Variants in SNX13 observed in about 807,000 individuals in gnomAD.
The protein encoded by SNX13 is sorting nexin 13.
In SNX13, 45 loss-of-function variants were observed where a neutral mutation model predicts 133.6. The ratio of observed to expected loss-of-function variants is 0.34; its 90% CI spans 0.27 to 0.43. The LOEUF (loss-of-function observed/expected upper bound fraction) is 0.43, where lower values mean the gene tolerates loss of function less well. Among genes scored for constraint, SNX13 ranks in the 20% least tolerant of loss-of-function variants. The pLI, the probability that SNX13 is intolerant of heterozygous loss-of-function variation, is 1.00. For synonymous variants in SNX13, 414 were observed against 373.9 expected, an observed-to-expected ratio of 1.11 and a Z score of -1.24; for missense variants, 1,032 against 1,145.1, an observed-to-expected ratio of 0.90 and a Z score of 1.43.
intron 1 of SNX13, chr7:17,899,258 T>C (rs140799124): frequency 2.6e-5 from 4 of 152,296 alleles, no homozygotes; most frequent in African/African-American, 9.6e-5. Flanking sequence ...TCCTTGACCT[T>C]TGAGAGTTTG....
chr7:17,800,034 ATACAGCT>A (rs1244704563), intron 22 of SNX13, among the ~76,000 whole-genome samples: 1 of 151,766 alleles, frequency 6.6e-6, no homozygotes, highest in Non-Finnish European at 1.5e-5. Context: ...AACTGAAATC[ATACAGCT>A]TAATCAAAAC....
At chr7:17,846,477 A>G (rs1372976117) in intron 11 of SNX13, among the ~76,000 whole-genome samples, 2 of 152,296 alleles carry the variant, frequency 1.3e-5, no homozygotes, top group African/African-American at 4.8e-5. Flanking sequence ...GCCCTTTCCA[A>G]TAAGAGCCAT....
intron 13 of SNX13, among the ~76,000 whole-genome samples, chr7:17,836,040 T>C (rs1361008729): frequency 6.6e-6 from 1 of 151,948 alleles, no homozygotes; most frequent in Non-Finnish European, 1.5e-5. Context: ...TTCTAGGAAA[T>C]AAAAAGGGTG....
chr7:17,814,818 T>TG lies in SNX13; in HGVS notation c.2064+15dup, dbSNP rs1562686258. The TG allele has an allele frequency of 6.7e-7, 1 of 1,494,168 alleles. No homozygotes were observed. The highest frequency in any genetic ancestry group is 2.6e-5 in the East Asian group (1 of 38,080). 92.6% of individuals were successfully genotyped at this position (1,494,168 alleles called of 1,614,324 possible). On this transcript the variant is annotated intron_variant, in intron 20 of 25. Coordinates refer to ENST00000428135, the MANE Select transcript of SNX13 (RefSeq NM_015132.5). ...AGACCTAGAAAGAAACCCAGTGCAG[T>TG]GGTCTGCTTACTTACCTTGCGAGCA...
chr7:17,793,993 TC>T lies in SNX13; in HGVS notation c.*51del, dbSNP rs777476682. 6 of 1,589,032 alleles carry T rather than the reference TC, an allele frequency of 3.8e-6. No individual in the cohort carries two copies. The highest frequency in any genetic ancestry group is 5.1e-6 in the Non-Finnish European group (6 of 1,166,740). On this transcript the variant is annotated 3_prime_UTR_variant, in exon 26 of 26. Transcript: ENST00000428135. ...TTTGAGTTAAGCCCCAGAAGATCTG[TC>T]CATACCATTAGTCCTGGACAAAATG... is the stretch of plus-strand genomic sequence containing the variant.
At chr7:17,929,521 A>G (rs1213487435) in intron 1 of SNX13, among the ~76,000 whole-genome samples, 1 of 152,032 alleles carries the variant, frequency 6.6e-6, no homozygotes, top group African/African-American at 2.4e-5. Context: ...TCAACTACAT[A>G]TTTTTAAAAA....
At chr7:17,799,867 T>A (rs1260151604) in intron 22 of SNX13, among the ~76,000 whole-genome samples, 1 of 151,812 alleles carries the variant, frequency 6.6e-6, no homozygotes, top group Non-Finnish European at 1.5e-5. Flanking sequence ...GTACCACATA[T>A]AATTGTTAGT....
chr7:17,807,061 G>T (rs1421378018), intron 20 of SNX13, among the ~76,000 whole-genome samples: 1 of 152,104 alleles, frequency 6.6e-6, no homozygotes, highest in Non-Finnish European at 1.5e-5. Flanking sequence ...AGCTGCAGGA[G>T]TTTTTTTCAT....
intron 23 of SNX13, 105 bp from the exon 24 acceptor site, chr7:17,798,863 C>T: frequency 8.2e-7 from 1 of 1,217,652 alleles, no homozygotes; most frequent in African/African-American, 1.6e-5. Context: ...GTAAATTATC[C>T]CTGAGAGCAA....
chr7:17,832,383 G>A (rs572483673), intron 15 of SNX13: 2 of 984,456 alleles, frequency 2.0e-6, no homozygotes, highest in East Asian at 2.3e-4. Context: ...AGAATATATT[G>A]CTACTATCAC....
intron 5 of SNX13, chr7:17,880,319 A>T (rs1435694927): frequency 6.6e-6 from 1 of 152,236 alleles, no homozygotes; most frequent in Non-Finnish European, 1.5e-5. Flanking sequence ...AGCTGCGAGT[A>T]ATTCCAAAGC....
chr7:17,937,513 C>CAAA (rs5882636), intron 1 of SNX13, among the ~76,000 whole-genome samples: 6 of 79,814 alleles, frequency 7.5e-5, no homozygotes, highest in Non-Finnish European at 1.2e-4. Flanking sequence ...GACTCCGTCT[C>CAAA]AAAAAAAAAA....
chr7:17,791,220 T>C lies in SNX13; in HGVS notation c.*2825A>G, dbSNP rs189464798. 2.0e-5 allele frequency: 3 copies of C among 152,086 alleles called. No individual in the cohort carries two copies. The highest frequency in any genetic ancestry group is 2.9e-5 in the Non-Finnish European group (2 of 67,896). 9.4% of individuals were successfully genotyped at this position (152,086 alleles called of 1,614,324 possible). A position where few individuals can be genotyped will look rare whatever the true frequency, so the allele number is the denominator to read the frequency against. Reference sequence around the variant, plus strand: ...AATACACATGCATTAAATGAAAATATTGCACAAAATTAAAATTTTAGATTG... The same window carrying C: ...AATACACATGCATTAAATGAAAATACTGCACAAAATTAAAATTTTAGATTG... On this transcript the variant is annotated 3_prime_UTR_variant, in exon 26 of 26. Coordinates refer to ENST00000428135, the MANE Select transcript of SNX13 (RefSeq NM_015132.5).
intron 9 of SNX13, among the ~76,000 whole-genome samples, chr7:17,853,912 G>C (rs561609071): frequency 6.6e-6 from 1 of 151,890 alleles, no homozygotes; most frequent in South Asian, 2.1e-4. Context: ...CTGCACTCCA[G>C]CCTGCGCGAC....
chr7:17,861,579 T>C (rs1297899970), intron 9 of SNX13, among the ~76,000 whole-genome samples: 1 of 152,128 alleles, frequency 6.6e-6, no homozygotes, highest in African/African-American at 2.4e-5. Context: ...CTCGAGGATG[T>C]GCATTGAGAG....
At chr7:17,830,902 G>A (rs1279702800) in intron 15 of SNX13, 1 of 984,196 alleles carries the variant, frequency 1.0e-6, no homozygotes, top group Non-Finnish European at 1.2e-6. Context: ...TTCCTACAAG[G>A]AGGCAGCTGA....
intron 5 of SNX13, chr7:17,881,381 A>G (rs1795327359): frequency 6.6e-6 from 1 of 152,020 alleles, no homozygotes; most frequent in Non-Finnish European, 1.5e-5. Context: ...GCCTTTTTAA[A>G]GGTATGTTAA....
At position 17,793,696 on chromosome 7, in the gene SNX13, T is replaced by C. The variant is rs914433448; in HGVS notation, c.*349A>G. ...CCAATTTATCTCTGAACCATTGTTT[T>C]GTGCTTTCCTTAGCTTTCATATATA... On this transcript the variant is annotated 3_prime_UTR_variant, in exon 26 of 26. Transcript: ENST00000428135. 3.9e-5 allele frequency: 7 copies of C among 178,888 alleles called. No individual in the cohort carries two copies. The highest frequency in any genetic ancestry group is 7.1e-5 in the Non-Finnish European group (6 of 84,862). 11.1% of individuals were successfully genotyped at this position (178,888 alleles called of 1,614,324 possible).
At chr7:17,827,051 A>G (rs1178860499) in intron 16 of SNX13, among the ~76,000 whole-genome samples, 1 of 152,086 alleles carries the variant, frequency 6.6e-6, no homozygotes, top group African/African-American at 2.4e-5. Context: ...TCCTTCTAGG[A>G]GTCCAGAATT....
Sources: gnomAD v4.1 joint callset for allele counts (sites outside exome capture counted in the v4.1 genomes callset) on GRCh38, gnomAD v4.1.1 for gene constraint, MANE v1.5 for transcripts, NCBI Gene and HGNC (gene_info 2026-07-23, HGNC 2026-07-21) for gene names.